CCDC172: variants seen among roughly 807,000 people sequenced by gnomAD.
The protein encoded by CCDC172 is coiled-coil domain-containing protein 172.
A neutral mutation model predicts 38.0 loss-of-function variants in CCDC172; 30 were observed. The observed-to-expected ratio is 0.79, with a 90% CI of 0.59 to 1.07. The LOEUF (loss-of-function observed/expected upper bound fraction) is 1.07, where lower values mean the gene tolerates loss of function less well. Ranked by LOEUF, CCDC172 falls within the 50% of genes least tolerant of loss-of-function variation. The pLI is 0.00. For synonymous variants in CCDC172, 78 were observed against 88.3 expected, an observed-to-expected ratio of 0.88 and a Z score of 0.66; for missense variants, 297 against 290.1, an observed-to-expected ratio of 1.02 and a Z score of -0.17.
rs201027503 is a variant in CCDC172 at position 116,325,097 on chromosome 10, G to C, written c.79+7G>C. ...CGCCGTTTGATGCGAGAAGGTCGGG[G>C]TATTTCTGTCCTTTGCATGGGGCCT... On this transcript the variant is annotated splice_region_variant and intron_variant, in intron 2 of 8. Coordinates refer to ENST00000333254, the MANE Select transcript of CCDC172 (RefSeq NM_198515.3). 2 of 1,613,564 alleles carry C rather than the reference G, an allele frequency of 1.2e-6. No individual in the cohort carries two copies. Among genetic ancestry groups the C allele is most frequent in the Non-Finnish European group, 1.7e-6 (2 of 1,179,716 alleles).
At chr10:116,378,705 A>G (rs1294136331) in intron 8 of CCDC172, among the ~76,000 whole-genome samples, 195 bp downstream of exon 8, 1 of 152,156 alleles carries the variant, frequency 6.6e-6, no homozygotes, top group Non-Finnish European at 1.5e-5. Flanking sequence ...TAGGTGCTAC[A>G]TGAAGCAAAT....
At chr10:116,338,152 T>C (rs1249676667) in intron 3 of CCDC172, among the ~76,000 whole-genome samples, 1 of 152,168 alleles carries the variant, frequency 6.6e-6, no homozygotes, top group East Asian at 1.9e-4. Context: ...GTTGATGTCC[T>C]TAACAATGTG....
At chr10:116,370,359 G>A (rs1845172424) in intron 7 of CCDC172, among the ~76,000 whole-genome samples, 1 of 151,646 alleles carries the variant, frequency 6.6e-6, no homozygotes, top group Non-Finnish European at 1.5e-5. Flanking sequence ...CCATTTCGAG[G>A]GTATTCTTGT....
intron 5 of CCDC172, among the ~76,000 whole-genome samples, chr10:116,350,777 T>A (rs2134938337): frequency 6.6e-6 from 1 of 152,314 alleles, no homozygotes; most frequent in Non-Finnish European, 1.5e-5. Context: ...ATTTTGATTG[T>A]CTTAGTTGGT....
intron 5 of CCDC172, among the ~76,000 whole-genome samples, 165 bp from the exon 6 acceptor site, chr10:116,357,215 C>T (rs954942727): frequency 4.6e-5 from 7 of 151,898 alleles, no homozygotes; most frequent in African/African-American, 1.7e-4. Flanking sequence ...ATTTTAACAA[C>T]GTTAATTCTT....
At chr10:116,355,226 T>C (rs556404284) in intron 5 of CCDC172, among the ~76,000 whole-genome samples, 33 of 152,302 alleles carry the variant, frequency 2.2e-4, no homozygotes, top group Middle Eastern at 6.8e-3. Flanking sequence ...CTTACACAGG[T>C]ATACCATTTT....
chr10:116,352,464 G>A (rs544253481), intron 5 of CCDC172, among the ~76,000 whole-genome samples: 1 of 152,226 alleles, frequency 6.6e-6, no homozygotes, highest in African/African-American at 2.4e-5. Context: ...AAAGCTTTTA[G>A]AATATTCTAA....
chr10:116,365,005 T>G (rs1053310105), intron 7 of CCDC172, among the ~76,000 whole-genome samples: 1 of 152,164 alleles, frequency 6.6e-6, no homozygotes, highest in African/African-American at 2.4e-5. Context: ...TAGTCATTAT[T>G]TGATGACTCA....
At chr10:116,326,177 T>A (rs778418326) in intron 3 of CCDC172, among the ~76,000 whole-genome samples, 11 of 152,082 alleles carry the variant, frequency 7.2e-5, no homozygotes, top group Non-Finnish European at 1.5e-4. Context: ...GAGGCTAAGG[T>A]GAGAAGACAG....
intron 3 of CCDC172, 21 bp from the exon 4 acceptor site, chr10:116,340,713 T>A: frequency 8.4e-7 from 1 of 1,190,188 alleles, no homozygotes; most frequent in Admixed American, 1.9e-5. Flanking sequence ...TTATTCTGAT[T>A]TCTGTTTTTG....
In CCDC172 at chr10:116,325,008, T is replaced by A. The variant is rs1194068593; in HGVS notation, c.-4T>A. 6.2e-7 allele frequency: 1 copy of A among 1,613,542 alleles called. No individual in the cohort carries two copies. The highest frequency in any genetic ancestry group is 1.1e-5 in the South Asian group (1 of 91,070). On this transcript the variant is annotated 5_prime_UTR_variant, in exon 2 of 9. Transcript: ENST00000333254. The stretch of plus-strand genomic sequence containing the variant: ...GAAAAGGATCGCAGGAGCCAGGCCC[T>A]GAGATGAGCTTGGAGTCCCTGTTTC...
At chr10:116,374,661 C>T (rs1845224900) in intron 7 of CCDC172, among the ~76,000 whole-genome samples, 1 of 151,182 alleles carries the variant, frequency 6.6e-6, no homozygotes, top group Admixed American at 6.6e-5. Flanking sequence ...TTAAAAAGTC[C>T]AAAAGCAGGT....
chr10:116,356,415 C>T (rs969138004), intron 5 of CCDC172, among the ~76,000 whole-genome samples: 115 of 133,624 alleles, frequency 8.6e-4, no homozygotes, highest in African/African-American at 3.4e-3. Flanking sequence ...AGGAAGGAAA[C>T]CTGATATGAA....
chr10:116,378,495 A>G lies in CCDC172; in HGVS notation c.726A>G (p.Ile242Met), dbSNP rs754043011. 1 of 1,604,898 alleles carries G rather than the reference A, an allele frequency of 6.2e-7. No homozygotes were observed. The highest frequency in any genetic ancestry group is 1.7e-5 in the Admixed American group (1 of 58,442). ...ESVYEALQTE[I>M]EFLELTLAQK... ...TTTATGAAGCTCTCCAAACAGAAATAGAATTTTTGGAGTTGGTAAGTTATC... is the reference window on the plus strand; with the variant it reads ...TTTATGAAGCTCTCCAAACAGAAATGGAATTTTTGGAGTTGGTAAGTTATC... The change falls in exon 8 of 9, where the codon ATA (isoleucine) becomes ATG (methionine). Residue 242 changes from isoleucine to methionine, a missense_variant. Coordinates refer to ENST00000333254, the MANE Select transcript of CCDC172 (RefSeq NM_198515.3).
chr10:116,333,790 A>G (rs1844696183), intron 3 of CCDC172, among the ~76,000 whole-genome samples: 1 of 152,110 alleles, frequency 6.6e-6, no homozygotes, highest in Non-Finnish European at 1.5e-5. Context: ...GAGGAAGAAT[A>G]ATTTTGCAGT....
intron 7 of CCDC172, among the ~76,000 whole-genome samples, chr10:116,374,217 A>G (rs974508777): frequency 6.6e-6 from 1 of 152,108 alleles, no homozygotes; most frequent in African/African-American, 2.4e-5. Flanking sequence ...CCCAAGTCAC[A>G]TGAGTAGTGA....
intron 3 of CCDC172, among the ~76,000 whole-genome samples, chr10:116,339,967 G>T (rs1844772944): frequency 6.6e-6 from 1 of 151,854 alleles, no homozygotes; most frequent in African/African-American, 2.4e-5. Flanking sequence ...CCCCAAACTG[G>T]AAACGATGCT....
intron 7 of CCDC172, among the ~76,000 whole-genome samples, chr10:116,363,823 C>G (rs1156569621): frequency 6.6e-6 from 1 of 151,312 alleles, no homozygotes; most frequent in East Asian, 2.0e-4. Flanking sequence ...CCCAGCTACT[C>G]AGGATGCTGA....
chr10:116,331,784 C>G lies in CCDC172; in HGVS notation c.165+6396C>G, dbSNP rs1844666175. On this transcript the variant is annotated intron_variant, in intron 3 of 8. Transcript: ENST00000333254. Reference sequence around the variant, plus strand: ...CATATTCCTTTGATAGAAAAGATGTCCCTAAGAAGCAGTTTCACCCCTGCT... The same window carrying G: ...CATATTCCTTTGATAGAAAAGATGTGCCTAAGAAGCAGTTTCACCCCTGCT... Among the ~76,000 whole-genome samples, 7 of 152,234 alleles carry G rather than the reference C, an allele frequency of 4.6e-5. No individual in the cohort carries two copies. In the South Asian group the frequency reaches 1.5e-3, roughly 32 times the overall value.
Sources: allele counts gnomAD v4.1 joint callset (sites outside exome capture counted in the v4.1 genomes callset), GRCh38; gene constraint gnomAD v4.1.1; transcripts MANE v1.5; gene names NCBI Gene and HGNC (gene_info 2026-07-23, HGNC 2026-07-21).